Variants in LRP1B observed in about 807,000 individuals in gnomAD.
LRP1B encodes the protein LDL receptor related protein 1B.
In LRP1B, 217 loss-of-function variants were observed where a neutral mutation model predicts 556.6. That is an observed-to-expected ratio of 0.39 (90% CI 0.35 to 0.44). The LOEUF (loss-of-function observed/expected upper bound fraction) is 0.44, where lower values mean the gene tolerates loss of function less well. LRP1B is among the 20% of genes least tolerant of loss of function. The probability of loss-of-function intolerance (pLI) is 1.00; values close to 1 mark genes in which losing one functional copy is unlikely to be tolerated. For synonymous variants in LRP1B, 2,047 were observed against 1,865.8 expected, an observed-to-expected ratio of 1.10 and a Z score of -2.50; for missense variants, 5,053 against 5,620.8, an observed-to-expected ratio of 0.90 and a Z score of 3.23.
chr2:141,556,060 A>G (rs1407883063), intron 2 of LRP1B, among the ~76,000 whole-genome samples: 1 of 151,902 alleles, frequency 6.6e-6, no homozygotes, highest in Admixed American at 6.6e-5. Context: ...ACTAATGTTT[A>G]TCATAATAAT....
At chr2:141,730,720 T>A (rs1693237974) in intron 2 of LRP1B, among the ~76,000 whole-genome samples, 1 of 152,168 alleles carries the variant, frequency 6.6e-6, no homozygotes. Flanking sequence ...CTTGCCTAAA[T>A]TATGCAGTTT....
chr2:141,922,754 C>T (rs2104976665), intron 1 of LRP1B, among the ~76,000 whole-genome samples: 1 of 152,238 alleles, frequency 6.6e-6, no homozygotes, highest in East Asian at 1.9e-4. Flanking sequence ...ACATATTTCA[C>T]TGAGAAGCTC....
intron 16 of LRP1B, among the ~76,000 whole-genome samples, chr2:140,990,935 G>T (rs188451684): frequency 1.5e-4 from 23 of 152,176 alleles, no homozygotes; most frequent in African/African-American, 5.1e-4. Flanking sequence ...AGTAGCAAAT[G>T]CGTGCATTTC....
chr2:141,332,721 T>TA (rs1491055423), intron 3 of LRP1B, among the ~76,000 whole-genome samples: 5 of 30,892 alleles, frequency 1.6e-4, no homozygotes, highest in African/African-American at 5.4e-4. Flanking sequence ...TTGCCTTATT[T>TA]TTTTATATAT....
intron 3 of LRP1B, among the ~76,000 whole-genome samples, chr2:141,280,739 C>G (rs939907072): frequency 2.6e-5 from 4 of 151,710 alleles, no homozygotes; most frequent in African/African-American, 9.7e-5. Context: ...ACATATAGTA[C>G]TTAATAATAG....
intron 85 of LRP1B, among the ~76,000 whole-genome samples, chr2:140,273,061 A>T (rs1232897148): frequency 6.6e-6 from 1 of 151,922 alleles, no homozygotes; most frequent in Non-Finnish European, 1.5e-5. Flanking sequence ...TAAAGGGAAG[A>T]GGGTCTGCAT....
chr2:142,099,601 C>G (rs373280277), intron 1 of LRP1B, among the ~76,000 whole-genome samples: 2 of 151,904 alleles, frequency 1.3e-5, no homozygotes, highest in Non-Finnish European at 2.9e-5. Context: ...AATCCCAAAT[C>G]GAACTAATGG....
At chr2:140,244,292 CA>C (rs1160866594) in intron 87 of LRP1B, among the ~76,000 whole-genome samples, 1 of 151,020 alleles carries the variant, frequency 6.6e-6, no homozygotes, top group African/African-American at 2.4e-5. Flanking sequence ...ATGATAAAGA[CA>C]AAGTAGCAAA....
rs562821074 is a variant in LRP1B at position 140,849,320 on chromosome 2, C to T, written c.4939+782G>A. Among the ~76,000 whole-genome samples, 22 of 148,442 alleles carry T rather than the reference C, an allele frequency of 1.5e-4. 1 individual carries two copies. In the South Asian group the frequency reaches 4.1e-3, roughly 27 times the overall value. On this transcript the variant is annotated intron_variant, in intron 29 of 90. Coordinates refer to ENST00000389484, the MANE Select transcript of LRP1B (RefSeq NM_018557.3). ...CTGGTAGATGGAGGTTGCAGTGAGCCGAGATCGTGCCACTGCGCTGCAGCC... is the reference window on the plus strand; with the variant it reads ...CTGGTAGATGGAGGTTGCAGTGAGCTGAGATCGTGCCACTGCGCTGCAGCC...
intron 7 of LRP1B, among the ~76,000 whole-genome samples, chr2:141,186,310 C>T (rs544989641): frequency 6.1e-5 from 9 of 148,656 alleles, no homozygotes; most frequent in Middle Eastern, 3.5e-3. Context: ...GAATTTTAGG[C>T]GCAGAACATT....
At chr2:141,643,461 T>C (rs933819472) in intron 2 of LRP1B, among the ~76,000 whole-genome samples, 16 of 152,260 alleles carry the variant, frequency 1.1e-4, no homozygotes, top group Non-Finnish European at 1.8e-4. Flanking sequence ...GAGAGGAATA[T>C]GGAAATTGTA....
At chr2:141,415,734 C>CTT (rs35307021) in intron 3 of LRP1B, among the ~76,000 whole-genome samples, 1 of 151,388 alleles carries the variant, frequency 6.6e-6, no homozygotes, top group African/African-American at 2.4e-5. Context: ...CATTTCAGTT[C>CTT]TTTTTTTTTA....
chr2:140,490,395 G>C (rs1368318875), intron 57 of LRP1B, among the ~76,000 whole-genome samples: 1 of 152,004 alleles, frequency 6.6e-6, no homozygotes, highest in African/African-American at 2.4e-5. Context: ...GCAAGAAAAA[G>C]CTCCACCAGT....
intron 31 of LRP1B, among the ~76,000 whole-genome samples, chr2:140,814,193 G>T (rs1691026619): frequency 6.6e-6 from 1 of 151,930 alleles, no homozygotes; most frequent in Admixed American, 6.6e-5. Context: ...GCTCAGGCTG[G>T]TCTTGAACTC....
chr2:141,834,178 C>G (rs1697195062), intron 1 of LRP1B, among the ~76,000 whole-genome samples: 1 of 151,792 alleles, frequency 6.6e-6, no homozygotes, highest in Non-Finnish European at 1.5e-5. Flanking sequence ...CTTTATTTCA[C>G]CAGTTGAAGG....
At chr2:141,832,547 A>G (rs899519707) in intron 1 of LRP1B, among the ~76,000 whole-genome samples, 9 of 151,786 alleles carry the variant, frequency 5.9e-5, no homozygotes, top group African/African-American at 1.9e-4. Context: ...TCTGATGAAC[A>G]TTTTGACTAT....
At chr2:140,570,499 G>A (rs574258332) in intron 43 of LRP1B, among the ~76,000 whole-genome samples, 11 of 151,676 alleles carry the variant, frequency 7.3e-5, no homozygotes, top group Admixed American at 2.0e-4. Context: ...TGTAAACATA[G>A]CATTTAGGAA....
At position 141,172,260 on chromosome 2, in the gene LRP1B, T is replaced by C. The variant is rs187515356; in HGVS notation, c.1013+16161A>G. Among the ~76,000 whole-genome samples, 322 of 152,180 alleles carry C rather than the reference T, an allele frequency of 2.1e-3. 1 individual carries two copies. The highest frequency in any genetic ancestry group is 6.9e-3 in the African/African-American group (285 of 41,562). On this transcript the variant is annotated intron_variant, in intron 7 of 90. Transcript: ENST00000389484. ...GCAGGCCAGGATGCTCCATGTAGTATTGCATTATAACATGGTCTCAGCTGG... is the reference window on the plus strand; with the variant it reads ...GCAGGCCAGGATGCTCCATGTAGTACTGCATTATAACATGGTCTCAGCTGG...
At chr2:141,747,254 G>A (rs1409094924) in intron 2 of LRP1B, among the ~76,000 whole-genome samples, 1 of 152,148 alleles carries the variant, frequency 6.6e-6, no homozygotes, top group Non-Finnish European at 1.5e-5. Flanking sequence ...CAAAGCTTTT[G>A]AGCTGCATTA....
Sources: gnomAD v4.1 joint callset for allele counts (sites outside exome capture counted in the v4.1 genomes callset) on GRCh38, gnomAD v4.1.1 for gene constraint, MANE v1.5 for transcripts, NCBI Gene and HGNC (gene_info 2026-07-23, HGNC 2026-07-21) for gene names.